AATF: variants seen among roughly 807,000 people sequenced by gnomAD.
AATF encodes the protein apoptosis antagonizing transcription factor, also known as protein AATF.
In AATF, 48 loss-of-function variants were observed where a neutral mutation model predicts 63.7. The observed-to-expected ratio is 0.75, with a 90% confidence interval of 0.60 to 0.96. AATF has a LOEUF of 0.96. Among genes scored for constraint, AATF ranks in the 40% least tolerant of loss-of-function variants. The probability of loss-of-function intolerance (pLI) is 0.00; values close to 1 mark genes in which losing one functional copy is unlikely to be tolerated. For missense variants in AATF, 639 were observed against 685.7 expected (o/e 0.93, Z 0.76); for synonymous variants, 258 against 247.7 (o/e 1.04, Z -0.39).
chr17:36,974,640 T>C (rs1156286123), intron 4 of AATF, among the ~76,000 whole-genome samples: 5 of 152,348 alleles, frequency 3.3e-5, no homozygotes, highest in Non-Finnish European at 2.9e-5. Context: ...CTTGTCAACA[T>C]CGGATACAAT....
intron 8 of AATF, among the ~76,000 whole-genome samples, chr17:37,004,567 TGTG>T (rs2071327750): frequency 6.6e-6 from 1 of 151,888 alleles, no homozygotes; most frequent in African/African-American, 2.4e-5. Flanking sequence ...GAGGGGTTGG[TGTG>T]ATGGATAGAG....
chr17:36,971,346 A>T (rs2071037692), intron 4 of AATF, among the ~76,000 whole-genome samples: 1 of 152,242 alleles, frequency 6.6e-6, no homozygotes, highest in African/African-American at 2.4e-5. Context: ...GTTTAGCAAG[A>T]TGCAAATTAA....
chr17:37,008,458 C>T (rs1471433537), intron 8 of AATF, among the ~76,000 whole-genome samples: 1 of 152,174 alleles, frequency 6.6e-6, no homozygotes, highest in East Asian at 1.9e-4. Context: ...ACACACTTCA[C>T]ATAAGTGAAA....
chr17:37,033,630 C>G (rs1045158496), intron 11 of AATF: 2 of 154,346 alleles, frequency 1.3e-5, no homozygotes, highest in Admixed American at 1.3e-4. Flanking sequence ...TGGGTATGGC[C>G]TATAAAAAAT....
At chr17:36,967,456 C>G (rs2070999803) in intron 4 of AATF, among the ~76,000 whole-genome samples, 1 of 152,178 alleles carries the variant, frequency 6.6e-6, no homozygotes, top group African/African-American at 2.4e-5. Context: ...CTTCTCAAGT[C>G]TAAAGTTGCA....
At chr17:36,985,190 C>G (rs890350174) in intron 4 of AATF, among the ~76,000 whole-genome samples, 2 of 152,172 alleles carry the variant, frequency 1.3e-5, no homozygotes, top group African/African-American at 4.8e-5. Context: ...GCATGAGCCA[C>G]TGCACCTGGC....
chr17:37,029,444 G>A (rs553264180), intron 10 of AATF, among the ~76,000 whole-genome samples: 22 of 151,912 alleles, frequency 1.4e-4, no homozygotes, highest in Admixed American at 5.9e-4. Context: ...GGGTTTTGCC[G>A]TGTTAGCAGG....
intron 11 of AATF, chr17:37,045,675 C>T (rs1334593126): frequency 6.6e-6 from 1 of 152,352 alleles, no homozygotes; most frequent in Admixed American, 6.5e-5. Flanking sequence ...GGGGGAAACA[C>T]AACTGTACAG....
intron 10 of AATF, among the ~76,000 whole-genome samples, chr17:37,025,893 G>T (rs2071507153): frequency 6.6e-6 from 1 of 152,070 alleles, no homozygotes; most frequent in South Asian, 2.1e-4. Context: ...TATTTATTTG[G>T]TCTCTAAGTA....
intron 11 of AATF, among the ~76,000 whole-genome samples, chr17:37,038,441 G>T (rs2071610291): frequency 6.6e-6 from 1 of 152,154 alleles, no homozygotes; most frequent in Non-Finnish European, 1.5e-5. Flanking sequence ...TGCTCTGTTG[G>T]CATTGGTTTT....
chr17:37,051,726 A>ACG (rs1555656093), intron 11 of AATF, among the ~76,000 whole-genome samples: 6 of 151,590 alleles, frequency 4.0e-5, no homozygotes, highest in African/African-American at 7.3e-5. Context: ...ACACACACAC[A>ACG]CACGCACATT....
At chr17:36,956,011 G>A (rs969431858) in intron 4 of AATF, among the ~76,000 whole-genome samples, 50 of 152,204 alleles carry the variant, frequency 3.3e-4, no homozygotes, top group Non-Finnish European at 6.2e-4. Flanking sequence ...TGATCCTTCC[G>A]TGTCAGCCTC....
At chr17:37,028,104 A>G (rs1200954247) in intron 10 of AATF, among the ~76,000 whole-genome samples, 1 of 152,152 alleles carries the variant, frequency 6.6e-6, no homozygotes, top group African/African-American at 2.4e-5. Flanking sequence ...TCAACTCAGC[A>G]ATTTCACATC....
chr17:37,004,435 G>C (rs1355617231), intron 8 of AATF, among the ~76,000 whole-genome samples: 1 of 152,174 alleles, frequency 6.6e-6, no homozygotes, highest in Non-Finnish European at 1.5e-5. Context: ...CTGCTGGAAG[G>C]TTTGAGAGAG....
At chr17:37,003,876 G>A (rs1040829727) in intron 8 of AATF, among the ~76,000 whole-genome samples, 1 of 150,764 alleles carries the variant, frequency 6.6e-6, no homozygotes, top group Non-Finnish European at 1.5e-5. Flanking sequence ...GCCAAGTTGG[G>A]CAGTTCACTG....
chr17:37,002,190 A>T (rs1461370628), intron 8 of AATF, among the ~76,000 whole-genome samples: 1 of 139,818 alleles, frequency 7.2e-6, no homozygotes, highest in Non-Finnish European at 1.5e-5. Context: ...CAACAGAGGG[A>T]GACTCCGTCT....
At chr17:36,964,683 C>T (rs1567966808) in intron 4 of AATF, among the ~76,000 whole-genome samples, 1 of 152,124 alleles carries the variant, frequency 6.6e-6, no homozygotes, top group Non-Finnish European at 1.5e-5. Flanking sequence ...TTTTTAGTTG[C>T]TCTCCATTAC....
intron 11 of AATF, among the ~76,000 whole-genome samples, chr17:37,046,687 T>G (rs2071694386): frequency 6.6e-6 from 1 of 151,644 alleles, no homozygotes; most frequent in African/African-American, 2.4e-5. Context: ...TTCCTGCGTG[T>G]TGAAGTTAAG....
intron 11 of AATF, chr17:37,056,110 T>C (rs1274471476): frequency 6.5e-6 from 1 of 153,190 alleles, no homozygotes; most frequent in Non-Finnish European, 1.5e-5. Context: ...AGCTGGGGAG[T>C]GTGGAAGAAG....
Sources: gnomAD v4.1 joint callset for allele counts (sites outside exome capture counted in the v4.1 genomes callset) on GRCh38, gnomAD v4.1.1 for gene constraint, MANE v1.5 for transcripts, NCBI Gene and HGNC (gene_info 2026-07-23, HGNC 2026-07-21) for gene names.